Variants in RAPGEF1 observed in about 807,000 individuals in gnomAD.
RAPGEF1 encodes Rap guanine nucleotide exchange factor 1.
In RAPGEF1, 33 loss-of-function variants were observed where a neutral mutation model predicts 143.3. The ratio of observed to expected loss-of-function variants is 0.23; its 90% CI spans 0.17 to 0.31. RAPGEF1 has a LOEUF of 0.31. Ranked by LOEUF, RAPGEF1 falls within the 10% of genes least tolerant of loss-of-function variation. RAPGEF1 has a pLI of 1.00. For missense variants in RAPGEF1, 1,199 were observed against 1,645.4 expected (o/e 0.73, Z 4.69); for synonymous variants, 629 against 676.5 (o/e 0.93, Z 1.09).
At chr9:131,666,561 A>C (rs2130666170) in intron 1 of RAPGEF1, among the ~76,000 whole-genome samples, 1 of 151,890 alleles carries the variant, frequency 6.6e-6, no homozygotes, top group Middle Eastern at 3.4e-3. Flanking sequence ...TAATTTTTGA[A>C]TTTTTAGTAG....
intron 1 of RAPGEF1, among the ~76,000 whole-genome samples, chr9:131,657,442 T>C (rs183266131): frequency 4.6e-5 from 7 of 152,372 alleles, no homozygotes; most frequent in Admixed American, 1.3e-4. Flanking sequence ...TGCGTCTCTT[T>C]AGTAATTTTC....
At chr9:131,729,574 C>T (rs1836892256) in intron 1 of RAPGEF1, among the ~76,000 whole-genome samples, 1 of 152,250 alleles carries the variant, frequency 6.6e-6, no homozygotes, top group Non-Finnish European at 1.5e-5. Flanking sequence ...GGGGGAACCC[C>T]AGAGTACATT....
At chr9:131,630,736 G>A (rs2133084713) in intron 5 of RAPGEF1, among the ~76,000 whole-genome samples, 1 of 152,294 alleles carries the variant, frequency 6.6e-6, no homozygotes, top group East Asian at 1.9e-4. Context: ...GGTTTCCCAA[G>A]GCGAGCTGGC....
At chr9:131,714,897 A>G (rs1454159789) in intron 1 of RAPGEF1, among the ~76,000 whole-genome samples, 1 of 151,952 alleles carries the variant, frequency 6.6e-6, no homozygotes, top group Non-Finnish European at 1.5e-5. Flanking sequence ...TTTTTTGTAG[A>G]GATAGCATCT....
rs540660446 is a variant in RAPGEF1 at position 131,598,348 on chromosome 9, C to G, written c.2502-38G>C. 5.7e-6 allele frequency: 9 copies of G among 1,566,388 alleles called. No individual in the cohort carries two copies. The African/African-American group carries it at 1.1e-4, about 19-fold the overall frequency. On this transcript the variant is annotated intron_variant, in intron 15 of 26. Transcript: ENST00000683357. The stretch of plus-strand genomic sequence containing the variant: ...GTGGTTTGTGTTGCAAGTGTCAAAC[C>G]GGCTCAGCTCCCGATGCCTGGAGGC...
At chr9:131,662,622 A>T (rs558970992) in intron 1 of RAPGEF1, among the ~76,000 whole-genome samples, 1 of 150,638 alleles carries the variant, frequency 6.6e-6, no homozygotes, top group South Asian at 2.1e-4. Context: ...ATCTCGGCTC[A>T]CTGCCTTCCT....
At chr9:131,607,802 C>T (rs926677166) in intron 12 of RAPGEF1, among the ~76,000 whole-genome samples, 3 of 152,144 alleles carry the variant, frequency 2.0e-5, no homozygotes, top group Admixed American at 6.5e-5. Flanking sequence ...GCCTCATCGG[C>T]GCCCCCGTGT....
chr9:131,652,648 C>A (rs1971378187), intron 1 of RAPGEF1, among the ~76,000 whole-genome samples: 1 of 152,154 alleles, frequency 6.6e-6, no homozygotes, highest in East Asian at 1.9e-4. Context: ...TCTTGTCCCA[C>A]TGGAAGGTCT....
At chr9:131,649,438 G>A (rs757068616) in intron 3 of RAPGEF1, among the ~76,000 whole-genome samples, 25 of 152,106 alleles carry the variant, frequency 1.6e-4, no homozygotes, top group Non-Finnish European at 2.6e-4. Context: ...AAGAGGAAAC[G>A]TAGCATCTCG....
At chr9:131,618,975 A>G in intron 12 of RAPGEF1, 76 bp downstream of exon 12, 2 of 1,246,130 alleles carry the variant, frequency 1.6e-6, no homozygotes, top group Non-Finnish European at 2.1e-6. Flanking sequence ...AGCAGAACAC[A>G]TGGCTGAGGC....
chr9:131,731,676 C>T (rs756191108), intron 1 of RAPGEF1, among the ~76,000 whole-genome samples: 5 of 152,328 alleles, frequency 3.3e-5, no homozygotes, highest in African/African-American at 7.2e-5. Flanking sequence ...GCCTGAAATC[C>T]GCCCCTCTGA....
intron 1 of RAPGEF1, among the ~76,000 whole-genome samples, chr9:131,719,776 C>G (rs1836130204): frequency 6.6e-6 from 1 of 151,928 alleles, no homozygotes; most frequent in Admixed American, 6.6e-5. Context: ...TCTTTGAGAT[C>G]TGAAAGAGTT....
chr9:131,620,274 CTTTT>C (rs10708548), intron 11 of RAPGEF1, among the ~76,000 whole-genome samples: 8 of 146,322 alleles, frequency 5.5e-5, no homozygotes, highest in Admixed American at 4.7e-4. Flanking sequence ...TCAGCAATGG[CTTTT>C]TTTTTTTTTT....
rs530032203 is a variant in RAPGEF1 at position 131,650,717 on chromosome 9, A to G, written c.201+93T>C. The G allele has an allele frequency of 2.6e-6, 4 of 1,516,678 alleles. No homozygotes were observed. In the African/African-American group the frequency reaches 5.6e-5, roughly 21 times the overall value. 94.0% of individuals were successfully genotyped at this position (1,516,678 alleles called of 1,614,324 possible). A position where few individuals can be genotyped will look rare whatever the true frequency, so the allele number is the denominator to read the frequency against. ...CTACGAAGTAGGTATGATGCACTGA[A>G]AGCTCAATCCCCAGGGAGGGAACAT... is the stretch of plus-strand genomic sequence containing the variant. On this transcript the variant is annotated intron_variant, in intron 2 of 26. Transcript: ENST00000683357. The surrounding 1 kb of genome is among the most constrained non-coding windows in gnomAD (Gnocchi z 4.7).
Position 131,580,656 on chromosome 9 carries a change from A to G in RAPGEF1, c.3513-265T>C, listed in dbSNP as rs77036358. 1.8e-4 allele frequency among the ~76,000 whole-genome samples: 27 copies of G among 152,300 alleles called. 1 individual carries two copies. In the East Asian group the frequency reaches 5.2e-3, roughly 29 times the overall value. ...TGATGCGGCTGCCATGGCTCAACCC[A>G]TAAGGGCGAAGCTGTGGGCTGCTAA... On this transcript the variant is annotated intron_variant, in intron 25 of 26. Transcript: ENST00000683357.
At chr9:131,605,624 T>C (rs753994293) in intron 12 of RAPGEF1, among the ~76,000 whole-genome samples, 30 of 152,332 alleles carry the variant, frequency 2.0e-4, no homozygotes, top group Non-Finnish European at 3.5e-4. Context: ...CTGCAACTTT[T>C]AAACATTGAA....
At chr9:131,719,886 CT>C (rs34813794) in intron 1 of RAPGEF1, among the ~76,000 whole-genome samples, 29,310 of 135,536 alleles carry the variant, frequency 0.22, 2,979 homozygotes, top group Non-Finnish European at 0.28. Context: ...TTCTTTCTTT[CT>C]TTTTTTTTTT....
intron 5 of RAPGEF1, among the ~76,000 whole-genome samples, chr9:131,637,400 G>A (rs560280520): frequency 7.2e-5 from 11 of 152,230 alleles, no homozygotes; most frequent in Middle Eastern, 3.4e-3. Flanking sequence ...ATTTCATTCT[G>A]GAGCAATTTG....
intron 1 of RAPGEF1, among the ~76,000 whole-genome samples, chr9:131,705,261 A>G (rs968953449): frequency 4.6e-5 from 7 of 152,252 alleles, no homozygotes; most frequent in African/African-American, 1.7e-4. Flanking sequence ...GAGCACTCAC[A>G]GAGGGCACAT....
Sources: gnomAD v4.1 joint callset for allele counts (sites outside exome capture counted in the v4.1 genomes callset) on GRCh38, gnomAD v4.1.1 for gene constraint, Gnocchi (gnomAD v3.1) non-coding constraint, MANE v1.5 for transcripts, NCBI Gene and HGNC (gene_info 2026-07-23, HGNC 2026-07-21) for gene names.